FGF13: variants seen among roughly 807,000 people sequenced by gnomAD.
FGF13 encodes the protein fibroblast growth factor 13.
FGF13 carries 2 observed loss-of-function variants against 19.5 expected under a neutral mutation model. The observed-to-expected ratio is 0.10, with a 90% CI of 0.04 to 0.32. The LOEUF (loss-of-function observed/expected upper bound fraction) is 0.32, where lower values mean the gene tolerates loss of function less well. Ranked by LOEUF, FGF13 falls within the 10% of genes least tolerant of loss-of-function variation. The pLI is 1.00. For synonymous variants in FGF13, 72 were observed against 76.9 expected (o/e 0.94, Z 0.33); for missense variants, 113 against 192.7 (o/e 0.59, Z 2.45).
chrX:138,966,906 C>T (rs2091897274), intron 1 of FGF13, among the ~76,000 whole-genome samples: 1 of 111,507 alleles, frequency 9.0e-6, no homozygotes, highest in Non-Finnish European at 1.9e-5. Context: ...GCCAAGTTCT[C>T]ATGAGATCTG....
chrX:138,956,648 CTG>C (rs2091842572), intron 1 of FGF13, among the ~76,000 whole-genome samples: 1 of 111,376 alleles, frequency 9.0e-6, no homozygotes, highest in Admixed American at 9.5e-5. Context: ...AGCTTTCAAA[CTG>C]TGTTCCTCAG....
intron 1 of FGF13, among the ~76,000 whole-genome samples, chrX:139,170,106 CAA>C (rs1169216757): frequency 6.3e-5 from 7 of 111,431 alleles, no homozygotes; most frequent in Admixed American, 1.9e-4. Flanking sequence ...TCCTTTGAAA[CAA>C]AGAGACCTAT....
chrX:139,155,456 G>T (rs932317071), intron 1 of FGF13, among the ~76,000 whole-genome samples: 1 of 111,789 alleles, frequency 8.9e-6, no homozygotes, highest in African/African-American at 3.3e-5. Context: ...CTACTAGAAA[G>T]AAAGTCTCCC....
At chrX:139,093,055 G>T (rs1275068550) in intron 1 of FGF13, among the ~76,000 whole-genome samples, 1 of 112,024 alleles carries the variant, frequency 8.9e-6, no homozygotes, top group Non-Finnish European at 1.9e-5. Context: ...GATCAGCAGG[G>T]AAAAGAATAA....
chrX:138,732,414 T>A (rs2090239129), intron 1 of FGF13, among the ~76,000 whole-genome samples: 1 of 112,063 alleles, frequency 8.9e-6, no homozygotes, highest in Non-Finnish European at 1.9e-5. Flanking sequence ...TAACATGTAG[T>A]GACTTACTGA....
intron 3 of FGF13, among the ~76,000 whole-genome samples, chrX:138,686,769 T>C (rs1471079347): frequency 8.9e-6 from 1 of 111,919 alleles, no homozygotes; most frequent in Non-Finnish European, 1.9e-5. Context: ...ACTTGATGAT[T>C]AGTTATACTT....
chrX:138,796,218 C>T (rs914433138), intron 3 of FGF13, among the ~76,000 whole-genome samples: 3 of 110,486 alleles, frequency 2.7e-5, no homozygotes, highest in Non-Finnish European at 5.7e-5. Flanking sequence ...CTCTCCCTCC[C>T]CTTGTCCCCC....
chrX:138,982,911 T>C (rs2091969799), intron 1 of FGF13, among the ~76,000 whole-genome samples: 1 of 112,645 alleles, frequency 8.9e-6, no homozygotes, highest in East Asian at 2.8e-4. Context: ...CGTATGTCTT[T>C]TTCTTTGGAG....
At chrX:138,726,525 TGTA>T (rs1317215016) in intron 1 of FGF13, among the ~76,000 whole-genome samples, 1 of 112,273 alleles carries the variant, frequency 8.9e-6, no homozygotes, top group African/African-American at 3.2e-5. Context: ...CTCAATAAAT[TGTA>T]GTTGCTGTTT....
chrX:138,903,124 C>T (rs918294198), intron 1 of FGF13, among the ~76,000 whole-genome samples: 1 of 111,881 alleles, frequency 8.9e-6, no homozygotes, highest in Admixed American at 9.5e-5. Flanking sequence ...ATTCCCATTA[C>T]TGAATATGCC....
intron 3 of FGF13, among the ~76,000 whole-genome samples, chrX:138,831,048 A>T (rs1477482809): frequency 9.0e-6 from 1 of 110,649 alleles, no homozygotes; most frequent in East Asian, 2.9e-4. Flanking sequence ...CCCCTGGCCA[A>T]CCCAGCTGTG....
chrX:138,776,581 A>G (rs1237732704), intron 3 of FGF13, among the ~76,000 whole-genome samples: 1 of 112,294 alleles, frequency 8.9e-6, no homozygotes, highest in African/African-American at 3.2e-5. Flanking sequence ...CCAAAAATGT[A>G]AAACATCGAG....
intron 1 of FGF13, among the ~76,000 whole-genome samples, chrX:138,720,880 T>A (rs942874847): frequency 8.0e-5 from 9 of 112,220 alleles, no homozygotes; most frequent in South Asian, 7.4e-4. Context: ...GATTTTTATA[T>A]CACTACCCTT....
intron 3 of FGF13, among the ~76,000 whole-genome samples, chrX:138,657,011 C>A (rs956623685): frequency 8.1e-5 from 9 of 111,770 alleles, no homozygotes; most frequent in African/African-American, 2.9e-4. Flanking sequence ...TATTTAATAA[C>A]CCTTGCTAAA....
At chrX:139,123,015 AT>A (rs1469732027) in intron 1 of FGF13, among the ~76,000 whole-genome samples, 8 of 111,269 alleles carry the variant, frequency 7.2e-5, no homozygotes, top group African/African-American at 2.6e-4. Context: ...CATTATGACA[AT>A]AAAAAATGCC....
chrX:139,184,164 G>A (rs2084262762), intron 1 of FGF13, among the ~76,000 whole-genome samples: 1 of 112,209 alleles, frequency 8.9e-6, no homozygotes, highest in South Asian at 3.7e-4. Flanking sequence ...CTTAGTACAT[G>A]TAAATGCTAT....
upstream of FGF13, among the ~76,000 whole-genome samples, chrX:138,741,874 A>G (rs1402444989): frequency 2.7e-5 from 3 of 111,726 alleles, no homozygotes; most frequent in Non-Finnish European, 5.7e-5. Context: ...AAGTTTTTAA[A>G]CCTGAGGACT....
chrX:138,621,642 AAG>A lies in FGF13; in HGVS notation c.*11206_*11207del, dbSNP rs915493794. On this transcript the variant is annotated 3_prime_UTR_variant, in exon 5 of 5. Transcript: ENST00000315930. The stretch of plus-strand genomic sequence containing the variant: ...TGAAATAGAAACTAGAAAAATAAAA[AAG>A]AGCAATAAAACTGAGTTGTTTTTTG... 1 of 111,702 alleles carries A rather than the reference AAG, an allele frequency of 9.0e-6. No homozygotes were observed. The highest frequency in any genetic ancestry group is 3.2e-5 in the African/African-American group (1 of 30,792). The allele number at this position is 111,702 out of a possible 1,213,427, so 9.2% of individuals were successfully genotyped here. A position where few individuals can be genotyped will look rare whatever the true frequency, so the allele number is the denominator to read the frequency against.
intron 3 of FGF13, among the ~76,000 whole-genome samples, chrX:138,759,746 G>T (rs190291311): frequency 1.5e-3 from 171 of 111,656 alleles, no homozygotes; most frequent in African/African-American, 5.2e-3. Flanking sequence ...TGTGACTTTC[G>T]ACAATTACAT....
Sources: gnomAD v4.1 joint callset for allele counts (sites outside exome capture counted in the v4.1 genomes callset) on GRCh38, gnomAD v4.1.1 for gene constraint, MANE v1.5 for transcripts, NCBI Gene and HGNC (gene_info 2026-07-23, HGNC 2026-07-21) for gene names.